SYT9: variants seen among roughly 807,000 people sequenced by gnomAD.
SYT9 encodes the protein synaptotagmin 9, also known as synaptotagmin-9.
A neutral mutation model predicts 48.4 loss-of-function variants in SYT9; 22 were observed. The observed-to-expected ratio is 0.45, with a 90% CI of 0.32 to 0.65. SYT9 has a LOEUF of 0.65. SYT9 is among the 30% of genes least tolerant of loss of function. The probability of loss-of-function intolerance (pLI) is 0.03; values close to 1 mark genes in which losing one functional copy is unlikely to be tolerated. For synonymous variants in SYT9, 265 were observed against 245.0 expected, an observed-to-expected ratio of 1.08 and a Z score of -0.76; for missense variants, 577 against 622.0, an observed-to-expected ratio of 0.93 and a Z score of 0.77.
chr11:7,442,297 C>G (rs1349068767), intron 6 of SYT9, among the ~76,000 whole-genome samples: 1 of 152,206 alleles, frequency 6.6e-6, no homozygotes, highest in Non-Finnish European at 1.5e-5. Context: ...GAGAACACGT[C>G]TCCACACACA....
intron 3 of SYT9, among the ~76,000 whole-genome samples, chr11:7,360,526 A>C (rs1038050976): frequency 5.9e-5 from 9 of 152,020 alleles, no homozygotes; most frequent in Admixed American, 2.0e-4. Flanking sequence ...CTTTAATTTC[A>C]TTGAGCAGTG....
At chr11:7,445,039 C>A (rs1847902009) in intron 6 of SYT9, among the ~76,000 whole-genome samples, 1 of 152,172 alleles carries the variant, frequency 6.6e-6, no homozygotes, top group Non-Finnish European at 1.5e-5. Flanking sequence ...CACTTTCTGG[C>A]TTTGCCATTT....
chr11:7,432,585 ATATAT>A (rs1847622764), intron 6 of SYT9, among the ~76,000 whole-genome samples: 4 of 2,648 alleles, frequency 1.5e-3, no homozygotes, highest in Non-Finnish European at 2.1e-3. Flanking sequence ...AAAAAAAAAT[ATATAT>A]ACATATATAT....
At chr11:7,419,349 T>C (rs1847306869) in intron 5 of SYT9, among the ~76,000 whole-genome samples, 1 of 152,140 alleles carries the variant, frequency 6.6e-6, no homozygotes, top group South Asian at 2.1e-4. Flanking sequence ...GCATTTGATT[T>C]TAATGGGCAG....
intron 1 of SYT9, among the ~76,000 whole-genome samples, chr11:7,290,856 G>A (rs1446811005): frequency 6.6e-6 from 1 of 152,160 alleles, no homozygotes; most frequent in African/African-American, 2.4e-5. Flanking sequence ...CTGAGTCCCA[G>A]TGGAAACGGG....
At chr11:7,247,980 CCAA>C (rs1014367785), upstream of SYT9, among the ~76,000 whole-genome samples, 2 of 152,122 alleles carry the variant, frequency 1.3e-5, no homozygotes, top group African/African-American at 4.8e-5. Context: ...TGCATCCACA[CCAA>C]CATCTACTGT....
intron 3 of SYT9, among the ~76,000 whole-genome samples, chr11:7,357,643 A>G (rs1314072470): frequency 6.6e-6 from 1 of 152,080 alleles, no homozygotes; most frequent in Non-Finnish European, 1.5e-5. Flanking sequence ...TACTAATTAT[A>G]TTAGTAATTG....
chr11:7,450,380 A>C (rs1407404207), intron 6 of SYT9: 1 of 152,182 alleles, frequency 6.6e-6, no homozygotes, highest in East Asian at 1.9e-4. Flanking sequence ...CACCCCCTTG[A>C]ACTTTTAGCA....
At chr11:7,420,763 C>T (rs1483268699) in intron 6 of SYT9, 128 bp downstream of exon 6, 10 of 1,191,902 alleles carry the variant, frequency 8.4e-6, no homozygotes, top group African/African-American at 1.5e-5. Context: ...GGTTGCATTT[C>T]CTGGGGCTGT....
At chr11:7,260,329 T>G (rs1235602574) in intron 1 of SYT9, among the ~76,000 whole-genome samples, 1 of 152,196 alleles carries the variant, frequency 6.6e-6, no homozygotes, top group Non-Finnish European at 1.5e-5. Flanking sequence ...AGTCTATTCT[T>G]GGGCAGAAGA....
At chr11:7,357,026 TG>T (rs1370332575) in intron 3 of SYT9, among the ~76,000 whole-genome samples, 1 of 152,168 alleles carries the variant, frequency 6.6e-6, no homozygotes, top group Non-Finnish European at 1.5e-5. Flanking sequence ...GGGTAAAATC[TG>T]GTATGAAGAG....
At chr11:7,280,084 T>C (rs75898644) in intron 1 of SYT9, among the ~76,000 whole-genome samples, 3 of 152,270 alleles carry the variant, frequency 2.0e-5, no homozygotes, top group African/African-American at 7.2e-5. Context: ...TGTAAACAAC[T>C]AATTCTCCAG....
intron 3 of SYT9, among the ~76,000 whole-genome samples, chr11:7,360,262 G>A (rs1589971305): frequency 6.6e-6 from 1 of 152,110 alleles, no homozygotes; most frequent in East Asian, 1.9e-4. Context: ...TAGACTTGTA[G>A]TATAGTTTGA....
At chr11:7,390,983 T>G (rs533849794) in intron 3 of SYT9, among the ~76,000 whole-genome samples, 1 of 152,184 alleles carries the variant, frequency 6.6e-6, no homozygotes, top group Admixed American at 6.6e-5. Flanking sequence ...CCTCCCTTCC[T>G]CCCTCCGTTT....
At chr11:7,378,619 TA>T (rs563406105) in intron 3 of SYT9, among the ~76,000 whole-genome samples, 132 of 140,742 alleles carry the variant, frequency 9.4e-4, no homozygotes, top group Non-Finnish European at 9.2e-4. Context: ...GGGAAACATT[TA>T]AAAAAAAAAA....
At chr11:7,348,928 C>G (rs1268160841) in intron 3 of SYT9, among the ~76,000 whole-genome samples, 1 of 151,808 alleles carries the variant, frequency 6.6e-6, no homozygotes, top group Non-Finnish European at 1.5e-5. Flanking sequence ...GAAAGCTGAA[C>G]TCCTCACGCT....
intron 6 of SYT9, among the ~76,000 whole-genome samples, chr11:7,443,057 T>C (rs1416648176): frequency 6.6e-6 from 1 of 151,960 alleles, no homozygotes; most frequent in African/African-American, 2.4e-5. Flanking sequence ...AGAGAGGACT[T>C]TTTGAATGGG....
intron 3 of SYT9, among the ~76,000 whole-genome samples, chr11:7,350,970 C>T (rs1212451016): frequency 1.3e-5 from 2 of 152,012 alleles, no homozygotes; most frequent in Non-Finnish European, 2.9e-5. Flanking sequence ...TGAGATTAGG[C>T]GTGAAGTAAG....
intron 1 of SYT9, among the ~76,000 whole-genome samples, chr11:7,267,408 G>A (rs753917680): frequency 9.2e-5 from 14 of 151,520 alleles, no homozygotes; most frequent in Non-Finnish European, 1.2e-4. Context: ...AAATCGCATG[G>A]GCCACATTTA....
Sources: gnomAD v4.1 joint callset for allele counts (sites outside exome capture counted in the v4.1 genomes callset) on GRCh38, gnomAD v4.1.1 for gene constraint, MANE v1.5 for transcripts, NCBI Gene and HGNC (gene_info 2026-07-23, HGNC 2026-07-21) for gene names.